Variants in SMC2 observed in about 807,000 individuals in gnomAD.
SMC2 encodes the protein structural maintenance of chromosomes protein 2.
In SMC2, 41 loss-of-function variants were observed where a neutral mutation model predicts 142.6. The observed-to-expected ratio is 0.29, with a 90% CI of 0.22 to 0.37. SMC2 has a LOEUF of 0.37. Among genes scored for constraint, SMC2 ranks in the 10% least tolerant of loss-of-function variants. The pLI is 1.00. For missense variants in SMC2, 1,265 were observed against 1,373.7 expected (o/e 0.92, Z 1.25); for synonymous variants, 463 against 457.5 (o/e 1.01, Z -0.15).
intron 7 of SMC2, among the ~76,000 whole-genome samples, chr9:104,100,784 T>G (rs1010095876): frequency 1.7e-4 from 26 of 152,186 alleles, no homozygotes; most frequent in African/African-American, 4.8e-4. Flanking sequence ...GAGAACAATT[T>G]CCAGGATAAC....
chr9:104,132,530 T>C lies in SMC2; in HGVS notation c.3108+405T>C, dbSNP rs1309449044. 2.0e-5 allele frequency among the ~76,000 whole-genome samples: 3 copies of C among 152,150 alleles called. No individual in the cohort carries two copies. In the East Asian group the frequency reaches 5.8e-4, roughly 29 times the overall value. On this transcript the variant is annotated intron_variant, in intron 22 of 24. Transcript: ENST00000374793. ...CTCTCATGTGGAAGTTTTTCCATTT[T>C]TACTATAGCGGAAGATTCTTACTTC...
At chr9:104,088,461 T>G in the SMC2 span, among the ~76,000 whole-genome samples, 1 of 152,058 alleles carries the variant, frequency 6.6e-6, no homozygotes, top group Admixed American at 6.5e-5. Context: ...TGGAAGAGGT[T>G]GCAAGTAACT....
chr9:104,120,003 C>A, intron 15 of SMC2, 24 bp from the exon 16 acceptor site: 1 of 1,612,490 alleles, frequency 6.2e-7, no homozygotes, highest in Non-Finnish European at 8.5e-7. Context: ...ATGTGGAAGA[C>A]CTGTTTCAAT....
chr9:104,099,795 T>TTAC (rs1830908621), intron 5 of SMC2, 113 bp downstream of exon 5: 6 of 695,370 alleles, frequency 8.6e-6, no homozygotes, highest in Non-Finnish European at 1.5e-5. Flanking sequence ...TTGGGAATGA[T>TTAC]TAGTAAAGAC....
chr9:104,095,074 A>G (rs1422068479), intron 1 of SMC2, among the ~76,000 whole-genome samples: 1 of 152,230 alleles, frequency 6.6e-6, no homozygotes, highest in African/African-American at 2.4e-5. Flanking sequence ...GTATGATAAA[A>G]GTAGAAGGCA....
At chr9:104,126,203 C>T (rs1348134777) in intron 18 of SMC2, among the ~76,000 whole-genome samples, 2 of 152,180 alleles carry the variant, frequency 1.3e-5, no homozygotes, top group African/African-American at 4.8e-5. Context: ...GAAAAATCAT[C>T]TTCCACAAAT....
chr9:104,097,115 C>G (rs959346416), intron 3 of SMC2, among the ~76,000 whole-genome samples: 9 of 135,294 alleles, frequency 6.7e-5, no homozygotes, highest in Non-Finnish European at 1.3e-4. Flanking sequence ...TTCAGCTTGT[C>G]AAGGTTTTTT....
chr9:104,135,968 G>A (rs1445360085), intron 23 of SMC2: 4 of 515,338 alleles, frequency 7.8e-6, no homozygotes, highest in Non-Finnish European at 1.5e-5. Context: ...AAAGAAGAGT[G>A]TTGGAAACTA....
rs1830338703 is a variant in SMC2, at chr9:104,095,375, A to G, written c.-10A>G. On this transcript the variant is annotated 5_prime_UTR_variant, in exon 2 of 25. Coordinates refer to ENST00000374793, the MANE Select transcript of SMC2 (RefSeq NM_006444.3). ...TGTCAGAGGTTTGCTGACCCAAGAC[A>G]GTATCGAAAATGCATATTAAGTCAA... The G allele has an allele frequency of 5.6e-6, 9 of 1,611,080 alleles. No individual in the cohort carries two copies. Among genetic ancestry groups the G allele is most frequent in the Non-Finnish European group, 6.8e-6 (8 of 1,178,974 alleles).
At chr9:104,117,472 T>C (rs1449639889) in intron 14 of SMC2, among the ~76,000 whole-genome samples, 1 of 152,182 alleles carries the variant, frequency 6.6e-6, no homozygotes, top group Non-Finnish European at 1.5e-5. Context: ...AGAAGAAGCA[T>C]TGTGATCAAA....
At chr9:104,135,965 A>G (rs1835490336) in intron 23 of SMC2, 26 of 516,094 alleles carry the variant, frequency 5.0e-5, no homozygotes, top group South Asian at 3.5e-4. Flanking sequence ...AGGAAAGAAG[A>G]GTGTTGGAAA....
At chr9:104,104,731 A>G (rs569106673) in intron 9 of SMC2, among the ~76,000 whole-genome samples, 3 of 152,324 alleles carry the variant, frequency 2.0e-5, no homozygotes, top group Non-Finnish European at 4.4e-5. Context: ...TAGCAAAACT[A>G]GTCCTTTTAT....
rs1174487182 is a variant in SMC2 at position 104,126,862 on chromosome 9, T to C, written c.2595+78T>C. On this transcript the variant is annotated intron_variant, in intron 19 of 24. Transcript: ENST00000374793. ...AACATTAGCTTAAGATGTTTGACTT[T>C]AGTGTTCTCAGTCTTTTCACTCGTC... is the stretch of plus-strand genomic sequence containing the variant. 3.0e-6 allele frequency: 4 copies of C among 1,355,608 alleles called. No individual in the cohort carries two copies. In the African/African-American group the frequency reaches 4.5e-5, roughly 15 times the overall value. 84.0% of individuals were successfully genotyped at this position (1,355,608 alleles called of 1,614,324 possible). A position where few individuals can be genotyped will look rare whatever the true frequency, so the allele number is the denominator to read the frequency against.
chr9:104,120,346 G>T (rs191543888), intron 16 of SMC2, among the ~76,000 whole-genome samples, 184 bp downstream of exon 16: 23 of 152,222 alleles, frequency 1.5e-4, no homozygotes, highest in African/African-American at 5.3e-4. Flanking sequence ...TAAGAGAGAT[G>T]TCTTTGTTAA....
In SMC2 at chr9:104,095,486, T is replaced by C. The variant is rs779029579; in HGVS notation, c.102T>C (p.Asn34=). The C allele has an allele frequency of 1.2e-6, 2 of 1,613,950 alleles. No homozygotes were observed. Among genetic ancestry groups the C allele is most frequent in the Admixed American group, 1.7e-5 (1 of 60,032 alleles). Residue 34 remains asparagine, a synonymous_variant, in exon 2 of 25, where the codon AAT becomes AAC. Transcript: ENST00000374793. ...TCTTCAATGCTATCACTGGCTTAAA[T>C]GGTAGTGGGAAATCCAACATATTGG... is the stretch of plus-strand genomic sequence containing the variant. ...DPLFNAITGL[N]GSGKSNILDS... is the part of the protein sequence containing the mutation.
intron 8 of SMC2, 43 bp from the exon 9 acceptor site, chr9:104,102,381 C>G (rs372346275): frequency 1.9e-6 from 3 of 1,545,374 alleles, no homozygotes; most frequent in Middle Eastern, 1.7e-4. Context: ...ACAGCGTGAA[C>G]AAATTTTACA....
intron 11 of SMC2, 123 bp downstream of exon 11, chr9:104,113,598 A>G (rs901023502): frequency 6.9e-6 from 5 of 729,528 alleles, no homozygotes; most frequent in South Asian, 2.7e-5. Context: ...AAGCATTAGT[A>G]TAAGAAGTGT....
chr9:104,092,107 CAG>C (rs557781770), upstream of SMC2: 57 of 152,274 alleles, frequency 3.7e-4, no homozygotes, highest in African/African-American at 1.2e-3. Context: ...TCTCAGGAGG[CAG>C]AGTTTCAAGT....
chr9:104,091,939 T>C (rs1829988092), upstream of SMC2: 1 of 152,156 alleles, frequency 6.6e-6, no homozygotes. Context: ...CCCGCTAGCG[T>C]TGAAGCTTTC....
Sources: allele counts gnomAD v4.1 joint callset (sites outside exome capture counted in the v4.1 genomes callset), GRCh38; gene constraint gnomAD v4.1.1; transcripts MANE v1.5; gene names NCBI Gene and HGNC (gene_info 2026-07-23, HGNC 2026-07-21).